The following P3H2 variants were observed in gnomAD, a reference collection of about 807,000 sequenced individuals.
The protein encoded by P3H2 is prolyl 3-hydroxylase 2.
A neutral mutation model predicts 87.0 loss-of-function variants in P3H2; 80 were observed. That is an observed-to-expected ratio of 0.92 (90% CI 0.77 to 1.11). The LOEUF (loss-of-function observed/expected upper bound fraction) is 1.11. Among genes scored for constraint, P3H2 ranks in the 50% least tolerant of loss-of-function variants. P3H2 has a pLI of 0.00. For missense variants in P3H2, 1,001 were observed against 923.9 expected (o/e 1.08, Z -1.08); for synonymous variants, 367 against 359.3 (o/e 1.02, Z -0.24).
chr3:189,961,593 T>A (rs148615838), intron 14 of P3H2, among the ~76,000 whole-genome samples: 27 of 152,258 alleles, frequency 1.8e-4, no homozygotes, highest in African/African-American at 6.3e-4. Flanking sequence ...TGGGGAGCTC[T>A]TAAAACTCCT....
intron 1 of P3H2, among the ~76,000 whole-genome samples, chr3:190,049,993 A>G (rs576245594): frequency 5.4e-4 from 82 of 152,306 alleles, no homozygotes; most frequent in Middle Eastern, 3.4e-3. Flanking sequence ...ATACTCTGTA[A>G]TATCTCTCAA....
upstream of P3H2, chr3:190,120,907 G>A: frequency 1.0e-6 from 1 of 1,000,474 alleles, no homozygotes; most frequent in Non-Finnish European, 1.4e-6. Context: ...CGGAGGCCGT[G>A]CCTGGCCAGC....
intron 13 of P3H2, chr3:189,969,076 G>A (rs1182454130): frequency 1.7e-5 from 7 of 420,804 alleles, no homozygotes; most frequent in African/African-American, 1.4e-4. Flanking sequence ...GAGGGTTTTT[G>A]ACCATTCCAT....
At position 190,019,785 on chromosome 3, in the gene P3H2, A is replaced by ATATATATATATATAT. The variant is rs1560365170; in HGVS notation, c.481-24344_481-24343insATATATATATATATA. ...ATGTGACATTACCTAGAAATTAAAA[A>ATATATATATATATAT]ATATATATATATATATATATATATA... On this transcript the variant is annotated intron_variant, in intron 1 of 14. Transcript: ENST00000319332. Among the ~76,000 whole-genome samples the ATATATATATATATAT allele has an allele frequency of 2.7e-4, 10 of 37,388 alleles. 1 individual carries two copies. Among genetic ancestry groups the ATATATATATATATAT allele is most frequent in the African/African-American group, 6.0e-4 (9 of 15,082 alleles). 24.5% of individuals were successfully genotyped at this position (37,388 alleles called of 152,430 possible). A position where few individuals can be genotyped will look rare whatever the true frequency, so the allele number is the denominator to read the frequency against.
chr3:189,983,142 T>G lies in P3H2; in HGVS notation c.1230-2A>C. ...TCTACGTTCACTCCTGAAGGGACCC[T>G]GCCCATTCAAAAAATTTAAAATGGC... On this transcript the variant is annotated splice_acceptor_variant, in intron 7 of 14. Coordinates refer to ENST00000319332, the MANE Select transcript of P3H2 (RefSeq NM_018192.4). LOFTEE classifies it high-confidence loss of function. The G allele has an allele frequency of 1.2e-6, 2 of 1,612,242 alleles. No homozygotes were observed. The highest frequency in any genetic ancestry group is 1.7e-6 in the Non-Finnish European group (2 of 1,178,576).
chr3:190,024,550 A>AAAAAAAG (rs1725031923), intron 1 of P3H2, among the ~76,000 whole-genome samples: 1 of 149,030 alleles, frequency 6.7e-6, no homozygotes, highest in Admixed American at 6.7e-5. Context: ...AAAAAAAAAA[A>AAAAAAAG]AAAGAAAGAA....
In P3H2 at chr3:190,046,510, T is replaced by C. The variant is rs146208393; in HGVS notation, c.481-51068A>G. On this transcript the variant is annotated intron_variant, in intron 1 of 14. Coordinates refer to ENST00000319332, the MANE Select transcript of P3H2 (RefSeq NM_018192.4). ...ATGATGATGAAGAGAGGAGCAGAGT[T>C]AGAGAGCCCTCATCCATTTTGGATG... Among the ~76,000 whole-genome samples the C allele has an allele frequency of 3.8e-3, 583 of 152,292 alleles. 12 individuals carry two copies. The highest frequency in any genetic ancestry group is 0.033 in the Admixed American group (508 of 15,288).
At chr3:189,987,832 G>A in intron 4 of P3H2, 163 bp from the exon 5 acceptor site, 2 of 765,450 alleles carry the variant, frequency 2.6e-6, no homozygotes, top group Non-Finnish European at 4.3e-6. Context: ...CAGATAAAAG[G>A]AAAGACATGA....
At chr3:190,068,552 A>C (rs1726589649) in intron 1 of P3H2, among the ~76,000 whole-genome samples, 3 of 152,200 alleles carry the variant, frequency 2.0e-5, no homozygotes, top group Admixed American at 6.5e-5. Flanking sequence ...CTTTAGTGAT[A>C]TCAAAACTGA....
chr3:190,040,179 C>T (rs1666396), intron 1 of P3H2, among the ~76,000 whole-genome samples: 122,506 of 152,194 alleles, frequency 0.8, 49,368 homozygotes, highest in East Asian at 0.86. Flanking sequence ...GATATCCAGG[C>T]GACCATCAGT....
At chr3:190,104,793 A>G (rs189996402) in intron 1 of P3H2, among the ~76,000 whole-genome samples, 8 of 152,364 alleles carry the variant, frequency 5.3e-5, no homozygotes, top group Admixed American at 2.0e-4. Context: ...TCATGGAGAC[A>G]AGAGTCGGAA....
chr3:190,046,275 C>A (rs1725801690), intron 1 of P3H2, among the ~76,000 whole-genome samples: 1 of 152,174 alleles, frequency 6.6e-6, no homozygotes, highest in Non-Finnish European at 1.5e-5. Context: ...CTGGTTGAAT[C>A]CTGACTTACA....
chr3:189,997,341 T>C (rs1679693577), intron 1 of P3H2, among the ~76,000 whole-genome samples: 1 of 152,126 alleles, frequency 6.6e-6, no homozygotes, highest in African/African-American at 2.4e-5. Context: ...ATCAGAAAAA[T>C]AAAAATTCAC....
intron 1 of P3H2, among the ~76,000 whole-genome samples, chr3:190,110,623 T>A (rs1250567532): frequency 6.6e-6 from 1 of 152,210 alleles, no homozygotes; most frequent in Non-Finnish European, 1.5e-5. Flanking sequence ...ATTTGTATGG[T>A]CTACTGGATT....
intron 1 of P3H2, among the ~76,000 whole-genome samples, chr3:190,077,097 T>C (rs1351357669): frequency 6.6e-6 from 1 of 152,208 alleles, no homozygotes. Flanking sequence ...CTTTCCTGAC[T>C]GTTTTTAGCT....
At chr3:189,975,605 A>G (rs1723326286) in intron 8 of P3H2, among the ~76,000 whole-genome samples, 1 of 152,216 alleles carries the variant, frequency 6.6e-6, no homozygotes, top group South Asian at 2.1e-4. Flanking sequence ...ATAAGACAGC[A>G]GGGATAGGGA....
intron 1 of P3H2, among the ~76,000 whole-genome samples, chr3:190,056,338 C>T (rs2108964049): frequency 6.6e-6 from 1 of 152,286 alleles, no homozygotes; most frequent in Non-Finnish European, 1.5e-5. Flanking sequence ...CTGATAGAGA[C>T]CACAGGCAGT....
intron 1 of P3H2, among the ~76,000 whole-genome samples, chr3:190,109,014 C>T (rs990413536): frequency 7.2e-5 from 11 of 152,150 alleles, no homozygotes; most frequent in Non-Finnish European, 1.5e-4. Context: ...TATGGCCTTA[C>T]GGCAATACGG....
intron 1 of P3H2, among the ~76,000 whole-genome samples, chr3:190,103,071 T>C (rs1468718444): frequency 6.6e-6 from 1 of 152,200 alleles, no homozygotes; most frequent in African/African-American, 2.4e-5. Flanking sequence ...ACAGACTAAA[T>C]TATAATGTAA....
Sources: gnomAD v4.1 joint callset for allele counts (sites outside exome capture counted in the v4.1 genomes callset) on GRCh38, gnomAD v4.1.1 for gene constraint, MANE v1.5 for transcripts, NCBI Gene and HGNC (gene_info 2026-07-23, HGNC 2026-07-21) for gene names.